Variants in CDV3 observed in about 807,000 individuals in gnomAD.
The protein encoded by CDV3 is protein CDV3 homolog.
Under a neutral mutation model 24.5 loss-of-function variants are expected in CDV3, and 14 were observed. That is an observed-to-expected ratio of 0.57 (90% CI 0.38 to 0.89). CDV3 has a LOEUF of 0.89. Ranked by LOEUF, CDV3 falls within the 40% of genes least tolerant of loss-of-function variation. The probability of loss-of-function intolerance (pLI) is 0.00; values close to 1 mark genes in which losing one functional copy is unlikely to be tolerated. For missense variants in CDV3, 304 were observed against 310.2 expected (o/e 0.98, Z 0.15); for synonymous variants, 114 against 114.1 (o/e 1.00, Z 0.00).
intron 3 of CDV3, among the ~76,000 whole-genome samples, 154 bp from the exon 4 acceptor site, chr3:133,586,409 A>G (rs1483898246): frequency 1.3e-5 from 2 of 152,236 alleles, no homozygotes; most frequent in African/African-American, 4.8e-5. Flanking sequence ...TTTCACTTTC[A>G]GACATTTTCT....
intron 2 of CDV3, among the ~76,000 whole-genome samples, chr3:133,576,837 C>G (rs1417688934): frequency 8.9e-5 from 3 of 33,868 alleles, no homozygotes; most frequent in African/African-American, 3.0e-4. Flanking sequence ...TGAAGGTAGA[C>G]TAGCTTTTTT....
At position 133,574,240 on chromosome 3, in the gene CDV3, G is replaced by A. The variant is rs1331427296; in HGVS notation, c.196G>A (p.Ala66Thr). ...GCCGGGTGACGGCGGGACCGCCAGCGCGGGGGCTGCGGGCCCAGGGGCCGC... is the reference window on the plus strand; with the variant it reads ...GCCGGGTGACGGCGGGACCGCCAGCACGGGGGCTGCGGGCCCAGGGGCCGC... ...TRPGDGGTAS[A>T]GAAGPGAATK... The change falls in exon 1 of 5, where the codon GCG (alanine) becomes ACG (threonine). Residue 66 changes from alanine to threonine, a missense_variant. Physicochemically the swap from Ala to Thr is moderately conservative, Grantham distance 58. Coordinates refer to ENST00000264993, the MANE Select transcript of CDV3 (RefSeq NM_017548.5). 2.0e-6 allele frequency: 2 copies of A among 991,368 alleles called. No homozygotes were observed. The highest frequency in any genetic ancestry group is 2.4e-6 in the Non-Finnish European group (2 of 834,996). The allele number at this position is 991,368 out of a possible 1,614,324, so 61.4% of individuals were successfully genotyped here. A position where few individuals can be genotyped will look rare whatever the true frequency, so the allele number is the denominator to read the frequency against.
intron 3 of CDV3, 127 bp from the exon 4 acceptor site, chr3:133,586,436 T>C: frequency 1.6e-6 from 1 of 607,682 alleles, no homozygotes; most frequent in Non-Finnish European, 3.0e-6. Context: ...AATTCCCTTC[T>C]GTGGTCTGAC....
chr3:133,588,937 A>G lies in CDV3; in HGVS notation c.*891A>G, dbSNP rs1933873451. 6.5e-6 allele frequency: 1 copy of G among 152,818 alleles called. No homozygotes were observed. The highest frequency in any genetic ancestry group is 1.5e-5 in the Non-Finnish European group (1 of 68,268). 9.5% of individuals were successfully genotyped at this position (152,818 alleles called of 1,614,324 possible). Reference sequence around the variant, plus strand: ...CTTGGTTAATTAAGTAACCTAAAGTATGCATTAGGATTGTGAAATGTCTCG... The same window carrying G: ...CTTGGTTAATTAAGTAACCTAAAGTGTGCATTAGGATTGTGAAATGTCTCG... On this transcript the variant is annotated 3_prime_UTR_variant, in exon 5 of 5. Coordinates refer to ENST00000264993, the MANE Select transcript of CDV3 (RefSeq NM_017548.5).
intron 1 of CDV3, 29 bp downstream of exon 1, chr3:133,574,313 G>C: frequency 1.1e-6 from 1 of 951,404 alleles, no homozygotes; most frequent in Non-Finnish European, 1.3e-6. Flanking sequence ...GGCACTCGGG[G>C]CCCGGGCCGC....
In CDV3 at chr3:133,586,612, T is replaced by C. The variant is rs1193387681; in HGVS notation, c.516T>C (p.Pro172=). 5.0e-6 allele frequency: 8 copies of C among 1,599,658 alleles called. No homozygotes were observed. Among genetic ancestry groups the C allele is most frequent in the Non-Finnish European group, 6.9e-6 (8 of 1,166,818 alleles). ...TGACTAGTGGTGTGTATAGGCCTCC[T>C]GGGGCCAGGTTAACCACAACAAGGA... The part of the protein sequence containing the change: ...PAMTSGVYRP[P]GARLTTTRKT... Residue 172 remains proline (P), a synonymous_variant, in exon 4 of 5, where the codon CCT becomes CCC. Coordinates refer to ENST00000264993, the MANE Select transcript of CDV3 (RefSeq NM_017548.5).
At chr3:133,582,024 G>A (rs1421365928) in intron 2 of CDV3, among the ~76,000 whole-genome samples, 1 of 152,104 alleles carries the variant, frequency 6.6e-6, no homozygotes, top group Non-Finnish European at 1.5e-5. Context: ...AGATAAAGTT[G>A]TAAGTAAAAT....
intron 2 of CDV3, among the ~76,000 whole-genome samples, chr3:133,579,895 T>TA (rs368354920): frequency 6.6e-6 from 1 of 152,162 alleles, no homozygotes; most frequent in South Asian, 2.1e-4. Flanking sequence ...GCCCGGCTGA[T>TA]AAAGAGTCTT....
chr3:133,586,572 C>T lies in CDV3; in HGVS notation c.476C>T (p.Thr159Ile), dbSNP rs1304255561. 1 of 1,574,808 alleles carries T rather than the reference C, an allele frequency of 6.3e-7. No individual in the cohort carries two copies. Among genetic ancestry groups the T allele is most frequent in the Non-Finnish European group, 8.7e-7 (1 of 1,147,818 alleles). The change falls in exon 4 of 5, where the codon ACC becomes ATC. Residue 159 changes from threonine to isoleucine, a missense_variant. Physicochemically the swap from Thr to Ile is moderately conservative, Grantham distance 89. Transcript: ENST00000264993. ...TGTTATAAAATATTAGTTACAGAAA[C>T]CCCAGAACCAGCGATGACTAGTGGT... ...APPAPVIVTETPEPAMTSGVY... is the reference protein window; with the variant it reads ...APPAPVIVTEIPEPAMTSGVY...
intron 3 of CDV3, 45 bp downstream of exon 3, chr3:133,584,195 T>A: frequency 1.4e-6 from 2 of 1,404,594 alleles, no homozygotes; most frequent in Non-Finnish European, 9.9e-7. Context: ...AATTTATATA[T>A]GATTTTATAT....
chr3:133,582,682 A>G (rs571454408), intron 2 of CDV3, among the ~76,000 whole-genome samples: 3 of 152,328 alleles, frequency 2.0e-5, no homozygotes, highest in African/African-American at 7.2e-5. Flanking sequence ...GGCAAGGGAC[A>G]GAGTTTTGGG....
At chr3:133,587,074 T>A (rs773830602) in intron 4 of CDV3, 5 of 651,674 alleles carry the variant, frequency 7.7e-6, no homozygotes, top group Non-Finnish European at 1.2e-5. Context: ...ATAAAAGCGC[T>A]GTTTAATTGT....
intron 1 of CDV3, chr3:133,574,722 AAG>A (rs759859782): frequency 8.2e-5 from 90 of 1,093,260 alleles, no homozygotes; most frequent in Non-Finnish European, 9.8e-5. Flanking sequence ...GTGAAAGAAA[AAG>A]AAAACTCTCG....
At position 133,587,495 on chromosome 3, in the gene CDV3, A is replaced by G. The variant is rs1034843177; in HGVS notation, c.627-401A>G. ...CCACTCCCACAAAATCGATGTGAGG[A>G]GAAATCATTGACTAATGAGTAGAAT... On this transcript the variant is annotated intron_variant, in intron 4 of 4. Transcript: ENST00000264993. 8 of 1,118,658 alleles carry G rather than the reference A, an allele frequency of 7.2e-6. No homozygotes were observed. In the East Asian group the frequency reaches 2.9e-4, roughly 41 times the overall value. 69.3% of individuals were successfully genotyped at this position (1,118,658 alleles called of 1,614,324 possible).
At chr3:133,575,804 C>G (rs571923203) in intron 2 of CDV3, among the ~76,000 whole-genome samples, 1 of 152,264 alleles carries the variant, frequency 6.6e-6, no homozygotes, top group African/African-American at 2.4e-5. Context: ...AACATTTTGT[C>G]AAGTCCAGTC....
chr3:133,574,693 T>C (rs2074735445), intron 1 of CDV3: 6 of 1,055,158 alleles, frequency 5.7e-6, no homozygotes, highest in Non-Finnish European at 5.7e-6. Flanking sequence ...TCTTTTGTGA[T>C]GACTTAGTCT....
Position 133,588,123 on chromosome 3 carries a change from TC to T in CDV3, c.*78del, listed in dbSNP as rs1208652007. ...ACCAACAGCCATTCATCATCTGATC[TC>T]TGCTGGATCTACAGACACCGATGCA... On this transcript the variant is annotated 3_prime_UTR_variant, in exon 5 of 5. Transcript: ENST00000264993. 1.3e-5 allele frequency: 20 copies of T among 1,574,396 alleles called. No homozygotes were observed. The highest frequency in any genetic ancestry group is 1.5e-5 in the Non-Finnish European group (18 of 1,161,656).
intron 2 of CDV3, among the ~76,000 whole-genome samples, chr3:133,577,548 C>T (rs773252106): frequency 6.6e-6 from 1 of 151,914 alleles, no homozygotes; most frequent in Non-Finnish European, 1.5e-5. Context: ...TTAGTAGAGA[C>T]GGGGTTTCTC....
At chr3:133,585,390 G>C (rs1933487099) in intron 3 of CDV3, among the ~76,000 whole-genome samples, 3 of 152,094 alleles carry the variant, frequency 2.0e-5, no homozygotes. Context: ...TGTTTTGTTT[G>C]AGACAGAGTC....
Sources: gnomAD v4.1 joint callset for allele counts (sites outside exome capture counted in the v4.1 genomes callset) on GRCh38, gnomAD v4.1.1 for gene constraint, MANE v1.5 for transcripts, NCBI Gene and HGNC (gene_info 2026-07-23, HGNC 2026-07-21) for gene names.